Variants in PRSS55 observed in about 807,000 individuals in gnomAD.
PRSS55 encodes the protein serine protease 55, also known as probable serine protease UNQ9391/PRO34284.
Under a neutral mutation model 23.6 loss-of-function variants are expected in PRSS55, and 41 were observed. The observed-to-expected ratio is 1.74, with a 90% CI of 1.35 to 2.26. The LOEUF (loss-of-function observed/expected upper bound fraction) is 2.26, where lower values mean the gene tolerates loss of function less well. Ranked by LOEUF, PRSS55 falls within the 30% of genes most tolerant of loss-of-function variation. The pLI, the probability that PRSS55 is intolerant of heterozygous loss-of-function variation, is 0.00. For missense variants in PRSS55, 669 were observed against 439.1 expected (o/e 1.52, Z -4.68); for synonymous variants, 262 against 175.5 (o/e 1.49, Z -3.90).
intron 4 of PRSS55, among the ~76,000 whole-genome samples, chr8:10,548,297 C>A (rs1400578343): frequency 2.0e-5 from 3 of 152,092 alleles, no homozygotes; most frequent in African/African-American, 7.2e-5. Context: ...TCTCCCTGTG[C>A]TTGGTCAGGA....
At chr8:10,549,162 A>C (rs747582887) in intron 4 of PRSS55, among the ~76,000 whole-genome samples, 2 of 152,204 alleles carry the variant, frequency 1.3e-5, no homozygotes, top group Non-Finnish European at 2.9e-5. Context: ...TCACCTCATC[A>C]TAATAAGTGC....
chr8:10,531,715 G>C (rs1400053648), intron 3 of PRSS55, 170 bp downstream of exon 3: 1 of 836,096 alleles, frequency 1.2e-6, no homozygotes, highest in Non-Finnish European at 1.8e-6. Flanking sequence ...ACCCCAAGGT[G>C]AGACACCAGG....
In PRSS55 at chr8:10,529,532, G is replaced by C. The variant is rs776753225; in HGVS notation, c.180G>C (p.Glu60Asp). 4 of 1,614,060 alleles carry C rather than the reference G, an allele frequency of 2.5e-6. No homozygotes were observed. In the African/African-American group the frequency reaches 4.0e-5, roughly 16 times the overall value. Residue 60 changes from glutamate (E) to aspartate (D), a missense_variant, in exon 2 of 5, where the codon GAG becomes GAC. By Grantham distance (45) the Glu-to-Asp change is conservative. Transcript: ENST00000328655. ...AATGTGGTGACAGATCTATTTTCGA[G>C]GGAAGAACTCGGTATTCCAGAATCA... The part of the protein sequence containing the change: ...VSECGDRSIF[E>D]GRTRYSRITG...
chr8:10,553,210 C>G (rs1365833665), intron 4 of PRSS55, among the ~76,000 whole-genome samples: 3 of 152,208 alleles, frequency 2.0e-5, no homozygotes, highest in African/African-American at 7.2e-5. Context: ...CTCTCTCTCA[C>G]CTGCTGCCAT....
chr8:10,543,698 C>T (rs1812735286), downstream of PRSS55, among the ~76,000 whole-genome samples: 1 of 132,452 alleles, frequency 7.5e-6, no homozygotes, highest in African/African-American at 2.6e-5. Context: ...CTCAGTGCTG[C>T]TTTAGTGCAT....
At chr8:10,532,429 C>T (rs1301789920) in intron 3 of PRSS55, among the ~76,000 whole-genome samples, 1 of 152,140 alleles carries the variant, frequency 6.6e-6, no homozygotes. Flanking sequence ...TCTGCAAATC[C>T]CCTCTAATCC....
chr8:10,549,319 G>T (rs1812899766), intron 4 of PRSS55, among the ~76,000 whole-genome samples: 1 of 152,246 alleles, frequency 6.6e-6, no homozygotes, highest in Non-Finnish European at 1.5e-5. Flanking sequence ...ACTCTGGTGT[G>T]GGAAGTGGGA....
chr8:10,548,925 C>G (rs899630783), intron 4 of PRSS55, among the ~76,000 whole-genome samples: 1 of 151,802 alleles, frequency 6.6e-6, no homozygotes, highest in African/African-American at 2.4e-5. Context: ...AGCAGGGGTC[C>G]GACTGAGGCT....
rs1462470172 is a variant in PRSS55, at chr8:10,531,377, C to T, written c.430C>T (p.Leu144Phe). 6.2e-7 allele frequency: 1 copy of T among 1,614,244 alleles called. No individual in the cohort carries two copies. Among genetic ancestry groups the T allele is most frequent in the Non-Finnish European group, 8.5e-7 (1 of 1,180,046 alleles). Residue 144 changes from leucine (L) to phenylalanine (F), a missense_variant, in exon 3 of 5, where the codon CTT (leucine) becomes TTT (phenylalanine). Leu to Phe is a conservative substitution (Grantham distance 22). Transcript: ENST00000328655. ...MEIKEVASII[L>F]HKDFKRANMD... ...AATAAAGGAGGTCGCCAGCATCATT[C>T]TTCACAAAGACTTTAAGAGAGCCAA...
chr8:10,527,222 G>C (rs192532093), intron 1 of PRSS55, among the ~76,000 whole-genome samples: 146 of 152,368 alleles, frequency 9.6e-4, no homozygotes, highest in African/African-American at 3.3e-3. Context: ...CTGAGAAGTA[G>C]TTGATGATAT....
Position 10,531,182 on chromosome 8 carries a change from G to A in PRSS55, c.348-113G>A, listed in dbSNP as rs1012018077. 2.9e-5 allele frequency: 39 copies of A among 1,325,288 alleles called. No individual in the cohort carries two copies. In the African/African-American group the frequency reaches 4.9e-4, roughly 17 times the overall value. The allele number at this position is 1,325,288 out of a possible 1,614,324, so 82.1% of individuals were successfully genotyped here. ...CCTTCTGATCAACAGCCCCAGTAGG[G>A]TTTAAAGGTCCTAGAGCTACATGGG... On this transcript the variant is annotated intron_variant, in intron 2 of 4. Transcript: ENST00000328655.
chr8:10,534,762 GAAGAT>G (rs1357495962), intron 4 of PRSS55, among the ~76,000 whole-genome samples: 1 of 152,200 alleles, frequency 6.6e-6, no homozygotes, highest in African/African-American at 2.4e-5. Context: ...AATAAGAAGA[GAAGAT>G]GTCAAACTAT....
At chr8:10,553,985 T>C (rs79196981) in exon 5 of PRSS55, 96,631 of 1,531,792 alleles carry the variant, frequency 0.063, 3,414 homozygotes, top group African/African-American at 0.094. Flanking sequence ...CACCGGAAGC[T>C]CTCAAACAAA....
intron 1 of PRSS55, 101 bp downstream of exon 1, chr8:10,525,840 T>G: frequency 1.2e-5 from 15 of 1,249,654 alleles, no homozygotes; most frequent in Non-Finnish European, 1.6e-5. Flanking sequence ...GCTCCAGGGC[T>G]CCCCACATAC....
chr8:10,534,258 C>T (rs578099176), intron 4 of PRSS55, among the ~76,000 whole-genome samples: 2 of 152,122 alleles, frequency 1.3e-5, no homozygotes, highest in African/African-American at 4.8e-5. Flanking sequence ...AAAATAAAAA[C>T]AAAAAGGCTC....
intron 4 of PRSS55, among the ~76,000 whole-genome samples, chr8:10,535,092 C>A (rs1456176127): frequency 6.6e-6 from 1 of 152,176 alleles, no homozygotes; most frequent in Non-Finnish European, 1.5e-5. Context: ...GAAAGACATT[C>A]CATGCTCATG....
chr8:10,545,836 A>C (rs886181559), intron 4 of PRSS55, among the ~76,000 whole-genome samples: 2 of 152,256 alleles, frequency 1.3e-5, no homozygotes, highest in African/African-American at 4.8e-5. Flanking sequence ...TGCAAAGTGC[A>C]TGTTTAATTC....
At chr8:10,545,465 A>G (rs1812793052) in intron 4 of PRSS55, among the ~76,000 whole-genome samples, 1 of 152,222 alleles carries the variant, frequency 6.6e-6, no homozygotes, top group South Asian at 2.1e-4. Flanking sequence ...GTTGCTGTAA[A>G]GGTTTCTAAG....
Position 10,525,599 on chromosome 8 carries a change from C to T in PRSS55, c.14C>T (p.Ser5Leu), listed in dbSNP as rs770717607. The T allele has an allele frequency of 1.9e-6, 3 of 1,613,962 alleles. No homozygotes were observed. Among genetic ancestry groups the T allele is most frequent in the Non-Finnish European group, 1.7e-6 (2 of 1,179,992 alleles). Reference protein sequence around the residue: MLLFSVLLLLSLVTG... With the variant: MLLFLVLLLLSLVTG... ...CAGCCCAGGGCCATGCTCCTGTTCT[C>T]AGTGTTGCTGCTCCTGTCCCTGGTC... Residue 5 changes from serine to leucine, a missense_variant, in exon 1 of 5, where the codon TCA (serine) becomes TTA (leucine). Physicochemically the swap from Ser to Leu is moderately radical, Grantham distance 145 (BLOSUM62 -2). Transcript: ENST00000328655.
Sources: gnomAD v4.1 joint callset for allele counts (sites outside exome capture counted in the v4.1 genomes callset) on GRCh38, gnomAD v4.1.1 for gene constraint, MANE v1.5 for transcripts, NCBI Gene and HGNC (gene_info 2026-07-23, HGNC 2026-07-21) for gene names.